The following KIAA1549 variants were observed in gnomAD, a reference collection of about 807,000 sequenced individuals.
The protein encoded by KIAA1549 is KIAA1549.
KIAA1549 carries 70 observed loss-of-function variants against 156.4 expected under a neutral mutation model. The observed-to-expected ratio is 0.45, with a 90% CI of 0.37 to 0.55. The LOEUF is 0.55. Ranked by LOEUF, KIAA1549 falls within the 20% of genes least tolerant of loss-of-function variation. The pLI is 0.00. For synonymous variants in KIAA1549, 1,103 were observed against 1,066.4 expected (o/e 1.03, Z -0.67); for missense variants, 2,428 against 2,540.9 (o/e 0.96, Z 0.96).
chr7:138,922,288 A>G (rs986680591), intron 1 of KIAA1549, among the ~76,000 whole-genome samples: 1 of 152,246 alleles, frequency 6.6e-6, no homozygotes, highest in African/African-American at 2.4e-5. Context: ...AAACTAACAT[A>G]AATCACACCC....
chr7:138,943,913 C>T (rs544600815), intron 1 of KIAA1549, among the ~76,000 whole-genome samples: 8 of 151,872 alleles, frequency 5.3e-5, no homozygotes, highest in Admixed American at 1.3e-4. Flanking sequence ...GGTAAGCACA[C>T]TTAAATCTAC....
intron 1 of KIAA1549, among the ~76,000 whole-genome samples, chr7:138,963,867 T>G (rs1446072752): frequency 6.6e-6 from 1 of 151,880 alleles, no homozygotes; most frequent in Non-Finnish European, 1.5e-5. Context: ...AAAGCAAAAA[T>G]GGTATCAAAA....
chr7:138,846,406 G>A (rs1411504160), intron 17 of KIAA1549, among the ~76,000 whole-genome samples: 11 of 151,950 alleles, frequency 7.2e-5, no homozygotes, highest in East Asian at 1.9e-4. Context: ...GTGGTGGCGC[G>A]CACAAGTAAT....
chr7:138,932,108 A>G (rs1162644700), intron 1 of KIAA1549, among the ~76,000 whole-genome samples: 1 of 152,214 alleles, frequency 6.6e-6, no homozygotes, highest in East Asian at 1.9e-4. Context: ...TTGAACCAGT[A>G]TGGAAATCAA....
In KIAA1549 at chr7:138,894,399, G is replaced by A; in HGVS notation, c.3975C>T (p.Arg1325=). Residue 1325 remains arginine, a synonymous_variant, in exon 10 of 20, where the codon CGC becomes CGT. Transcript: ENST00000422774. ...CAGGCTGAAAGTCTAGCTTGTCTGTGCGGCATAGTTTCCAGTAGAGGATGA... is the reference window on the plus strand; with the variant it reads ...CAGGCTGAAAGTCTAGCTTGTCTGTACGGCATAGTTTCCAGTAGAGGATGA... ...IVVILYWKLC[R]TDKLDFQPDT... 1.2e-6 allele frequency: 2 copies of A among 1,614,020 alleles called. No individual in the cohort carries two copies. Among genetic ancestry groups the A allele is most frequent in the Non-Finnish European group, 8.5e-7 (1 of 1,179,892 alleles).
intron 1 of KIAA1549, among the ~76,000 whole-genome samples, chr7:138,936,672 T>G (rs1813018676): frequency 6.6e-6 from 1 of 152,112 alleles, no homozygotes; most frequent in Admixed American, 6.6e-5. Context: ...ACTTCCAGCA[T>G]GACAAGTTCC....
intron 5 of KIAA1549, among the ~76,000 whole-genome samples, chr7:138,908,683 TC>T (rs1345596337): frequency 1.3e-5 from 2 of 152,156 alleles, no homozygotes; most frequent in Non-Finnish European, 2.9e-5. Flanking sequence ...GGGTAGGCAT[TC>T]CCCCATTGGA....
At position 138,867,511 on chromosome 7, in the gene KIAA1549, C is replaced by T. The variant is rs564068433; in HGVS notation, c.4929+464G>A. The stretch of plus-strand genomic sequence containing the variant: ...CTGAGGCTACAGTGAGCCTGGATCA[C>T]ACCACTGCACTCCAGCCTGGGCAAC... On this transcript the variant is annotated intron_variant, in intron 15 of 19. Coordinates refer to ENST00000422774, the MANE Select transcript of KIAA1549 (RefSeq NM_001164665.2). 7.9e-5 allele frequency among the ~76,000 whole-genome samples: 12 copies of T among 151,104 alleles called. No individual in the cohort carries two copies. The South Asian group carries it at 2.3e-3, about 29-fold the overall frequency.
chr7:138,909,120 T>C lies in KIAA1549; in HGVS notation c.3147A>G (p.Val1049=). The change falls in exon 5 of 20, where the codon GTA becomes GTG. Residue 1049 remains valine (V), a splice_region_variant and synonymous_variant. Coordinates refer to ENST00000422774, the MANE Select transcript of KIAA1549 (RefSeq NM_001164665.2). ...CCACACTCGGAGGCACAAACTGAAG[T>C]ACTGAAAAGAAAAGCAATCAAAGTC... ...VPESRFQVQT[V]LQFVPPSVDT... The C allele has an allele frequency of 1.2e-6, 2 of 1,612,292 alleles. No homozygotes were observed. The highest frequency in any genetic ancestry group is 2.2e-5 in the East Asian group (1 of 44,874).
At chr7:138,923,339 G>A (rs933774385) in intron 1 of KIAA1549, among the ~76,000 whole-genome samples, 2 of 152,232 alleles carry the variant, frequency 1.3e-5, no homozygotes, top group South Asian at 2.1e-4. Context: ...GGTGGCTCAC[G>A]CCTGTAATCC....
rs902966284 is a variant in KIAA1549 at position 138,879,545 on chromosome 7, C to T, written c.4338G>A (p.Pro1446=). The T allele has an allele frequency of 1.2e-5, 19 of 1,555,910 alleles. No homozygotes were observed. Among genetic ancestry groups the T allele is most frequent in the Middle Eastern group, 1.7e-4 (1 of 6,020 alleles). ...ACCAGAAGAGTCACAGACCGCTCTG[C>T]GGAGCTCTGTGGGACCTGCCATCGT... ...AVNDGRSHRA[P]QSGPPLPSSG... Residue 1446 remains proline (P), a synonymous_variant, in exon 12 of 20, where the codon CCG becomes CCA. Transcript: ENST00000422774.
intron 13 of KIAA1549, among the ~76,000 whole-genome samples, chr7:138,870,538 T>C (rs975178121): frequency 6.6e-6 from 1 of 152,106 alleles, no homozygotes; most frequent in Non-Finnish European, 1.5e-5. Context: ...CCCAGAGTGG[T>C]ATCCCCAAAG....
At chr7:138,950,031 T>C (rs1813448807) in intron 1 of KIAA1549, among the ~76,000 whole-genome samples, 1 of 152,238 alleles carries the variant, frequency 6.6e-6, no homozygotes, top group African/African-American at 2.4e-5. Context: ...TAACACTTCG[T>C]GGTCTCCATT....
intron 7 of KIAA1549, 75 bp from the exon 8 acceptor site, chr7:138,903,811 GTGT>G (rs1211111279): frequency 1.0e-5 from 2 of 200,984 alleles, no homozygotes; most frequent in Middle Eastern, 2.8e-3. Context: ...GTGTGTGTGT[GTGT>G]GTGTGTGTGT....
chr7:138,885,484 C>T (rs1380651556), intron 10 of KIAA1549, among the ~76,000 whole-genome samples: 2 of 152,196 alleles, frequency 1.3e-5, no homozygotes, highest in African/African-American at 4.8e-5. Flanking sequence ...ACCCTTGCAA[C>T]ATTATCTTCA....
chr7:138,918,922 G>C lies in KIAA1549; in HGVS notation c.704C>G (p.Ala235Gly). Reference sequence around the variant, plus strand: ...AACGATGCCCTCAGAGGTGCGAAAAGCTGACCGAAAGGTGTGGAAATGACT... The same window carrying C: ...AACGATGCCCTCAGAGGTGCGAAAACCTGACCGAAAGGTGTGGAAATGACT... ...SASHFHTFRSAFRTSEGIVPT... is the reference protein window; with the variant it reads ...SASHFHTFRSGFRTSEGIVPT... Residue 235 changes from alanine (A) to glycine (G), a missense_variant, in exon 2 of 20, where the codon GCT (alanine) becomes GGT (glycine). Ala to Gly is a moderately conservative substitution (Grantham distance 60, BLOSUM62 0). Transcript: ENST00000422774. The surrounding 1 kb of genome is among the most constrained non-coding windows in gnomAD (Gnocchi z 4.2). 1.9e-6 allele frequency: 3 copies of C among 1,614,062 alleles called. No individual in the cohort carries two copies. Among genetic ancestry groups the C allele is most frequent in the Non-Finnish European group, 8.5e-7 (1 of 1,179,902 alleles).
chr7:138,930,628 C>G (rs971674185), intron 1 of KIAA1549, among the ~76,000 whole-genome samples: 6 of 152,192 alleles, frequency 3.9e-5, no homozygotes, highest in African/African-American at 1.4e-4. Context: ...CTTCTGCAGC[C>G]TCCTTACCTT....
At chr7:138,913,273 A>ATG (rs1812221036) in intron 2 of KIAA1549, among the ~76,000 whole-genome samples, 1 of 152,226 alleles carries the variant, frequency 6.6e-6, no homozygotes, top group Non-Finnish European at 1.5e-5. Flanking sequence ...TTCAAGGCAA[A>ATG]GGTGAAGAGT....
chr7:138,917,850 A>C lies in KIAA1549; in HGVS notation c.1776T>G (p.Tyr592Ter). 6.2e-7 allele frequency: 1 copy of C among 1,603,756 alleles called. No individual in the cohort carries two copies. Among genetic ancestry groups the C allele is most frequent in the Non-Finnish European group, 8.5e-7 (1 of 1,175,142 alleles). Reference sequence around the variant, plus strand: ...AAGACTCCACTGAAGGAACCAGACTATAAGGCGTAAAAACACTCGGGTCTC... The same window carrying C: ...AAGACTCCACTGAAGGAACCAGACTCTAAGGCGTAAAAACACTCGGGTCTC... ...AVRDPSVFTP[Y>*]SLVPSVESSL... Residue 592 changes from tyrosine (Y) to a stop codon, truncating the protein, a stop_gained, in exon 2 of 20, where the codon TAT (tyrosine) becomes TAG (stop). Coordinates refer to ENST00000422774, the MANE Select transcript of KIAA1549 (RefSeq NM_001164665.2). LOFTEE classifies it high-confidence loss of function.
Sources: allele counts gnomAD v4.1 joint callset (sites outside exome capture counted in the v4.1 genomes callset), GRCh38; gene constraint gnomAD v4.1.1; non-coding constraint Gnocchi (gnomAD v3.1); transcripts MANE v1.5; gene names NCBI Gene and HGNC (gene_info 2026-07-23, HGNC 2026-07-21).